Variants in MGAT5 observed in about 807,000 individuals in gnomAD.
MGAT5 encodes the protein alpha-1,6-mannosylglycoprotein 6-beta-N-acetylglucosaminyltransferase A.
In MGAT5, 30 loss-of-function variants were observed where a neutral mutation model predicts 94.3. That is an observed-to-expected ratio of 0.32 (90% confidence interval 0.24 to 0.43). MGAT5 has a LOEUF of 0.43. Ranked by LOEUF, MGAT5 falls within the 20% of genes least tolerant of loss-of-function variation. The probability of loss-of-function intolerance (pLI) is 1.00; values close to 1 mark genes in which losing one functional copy is unlikely to be tolerated. For missense variants in MGAT5, 691 were observed against 905.5 expected (o/e 0.76, Z 3.04); for synonymous variants, 310 against 322.9 (o/e 0.96, Z 0.43).
chr2:134,255,659 T>C (rs1237314593), intron 1 of MGAT5, among the ~76,000 whole-genome samples: 1 of 152,154 alleles, frequency 6.6e-6, no homozygotes, highest in East Asian at 1.9e-4. Flanking sequence ...AAGAGTCTGA[T>C]CATTGAATTG....
At chr2:134,370,138 G>A (rs1680694220) in intron 10 of MGAT5, among the ~76,000 whole-genome samples, 1 of 152,162 alleles carries the variant, frequency 6.6e-6, no homozygotes, top group Non-Finnish European at 1.5e-5. Flanking sequence ...AATTGGGAAT[G>A]GGAGTCATTT....
intron 1 of MGAT5, among the ~76,000 whole-genome samples, chr2:134,266,553 A>T (rs1683731535): frequency 6.6e-6 from 1 of 152,244 alleles, no homozygotes; most frequent in Non-Finnish European, 1.5e-5. Context: ...AAAACTGTTA[A>T]CAGTTTTTGG....
intron 1 of MGAT5, among the ~76,000 whole-genome samples, chr2:134,218,747 A>G (rs1326961228): frequency 6.6e-6 from 1 of 152,198 alleles, no homozygotes. Flanking sequence ...GGGTAAGGAT[A>G]TAGACTTGTT....
chr2:134,293,447 C>T (rs1050227759), intron 2 of MGAT5, among the ~76,000 whole-genome samples: 7 of 151,784 alleles, frequency 4.6e-5, no homozygotes, highest in African/African-American at 1.2e-4. Flanking sequence ...TCTTATTCCT[C>T]CCCCACTTCT....
intron 12 of MGAT5, among the ~76,000 whole-genome samples, chr2:134,416,713 C>G (rs1683992824): frequency 6.6e-6 from 1 of 151,642 alleles, no homozygotes; most frequent in Admixed American, 6.6e-5. Flanking sequence ...CTAAAGCGAC[C>G]CTTCCAAGTA....
intron 4 of MGAT5, among the ~76,000 whole-genome samples, chr2:134,320,240 C>G (rs561899688): frequency 1.9e-3 from 289 of 152,228 alleles, no homozygotes; most frequent in African/African-American, 6.5e-3. Context: ...CAGAAACAGC[C>G]AGAGGGAAGA....
chr2:134,262,294 C>CAGT (rs1683388461), intron 1 of MGAT5, among the ~76,000 whole-genome samples: 1 of 152,122 alleles, frequency 6.6e-6, no homozygotes, highest in Non-Finnish European at 1.5e-5. Flanking sequence ...GGCTGAAGTA[C>CAGT]AGTAGTGTGA....
At position 134,349,658 on chromosome 2, in the gene MGAT5, G is replaced by A. The variant is rs531900043; in HGVS notation, c.1113-147G>A. 218 of 853,034 alleles carry A rather than the reference G, an allele frequency of 2.6e-4. No individual in the cohort carries two copies. In the African/African-American group the frequency reaches 3.0e-3, roughly 12 times the overall value. The allele number at this position is 853,034 out of a possible 1,614,324, so 52.8% of individuals were successfully genotyped here. A position where few individuals can be genotyped will look rare whatever the true frequency, so the allele number is the denominator to read the frequency against. ...GTAGATGTTCGGTACACAAGCTATTGTAAAACATCACAATTCTTGTCTGGT... is the reference window on the plus strand; with the variant it reads ...GTAGATGTTCGGTACACAAGCTATTATAAAACATCACAATTCTTGTCTGGT... On this transcript the variant is annotated intron_variant, in intron 8 of 15. Coordinates refer to ENST00000281923, the MANE Select transcript of MGAT5 (RefSeq NM_002410.5).
intron 1 of MGAT5, among the ~76,000 whole-genome samples, chr2:134,126,197 G>A (rs1314497758): frequency 2.6e-5 from 4 of 152,164 alleles, no homozygotes; most frequent in African/African-American, 4.8e-5. Flanking sequence ...TTCCTGATTC[G>A]GAATGCTTCT....
intron 6 of MGAT5, among the ~76,000 whole-genome samples, chr2:134,340,868 C>T (rs189269178): frequency 3.4e-4 from 52 of 152,180 alleles, no homozygotes; most frequent in African/African-American, 1.2e-3. Flanking sequence ...GCAATTATTA[C>T]GTATGCTCTC....
At chr2:134,344,077 T>C (rs1300506537) in intron 7 of MGAT5, among the ~76,000 whole-genome samples, 1 of 152,136 alleles carries the variant, frequency 6.6e-6, no homozygotes, top group African/African-American at 2.4e-5. Flanking sequence ...AAGCAGGATA[T>C]CCATAATTTG....
At chr2:134,145,212 C>CTGTGTGTGTGTGTGTGTGTGTGTGTG (rs1350453588) in intron 1 of MGAT5, among the ~76,000 whole-genome samples, 7 of 113,778 alleles carry the variant, frequency 6.2e-5, no homozygotes, top group African/African-American at 2.7e-4. Context: ...GTGTCTCTCT[C>CTGTGTGTGTGTGTGTGTGTGTGTGTG]TCTGTGTGTG....
At position 134,451,767 on chromosome 2, in the gene MGAT5, TAA is replaced by T; in HGVS notation, c.*2923_*2924del. On this transcript the variant is annotated 3_prime_UTR_variant, in exon 16 of 16. Coordinates refer to ENST00000281923, the MANE Select transcript of MGAT5 (RefSeq NM_002410.5). The stretch of plus-strand genomic sequence containing the variant: ...GAGGGAAAACATTCATCTAATTTAC[TAA>T]AAGAGAAAGCTTTCCATTGAAAGGT... 6.6e-6 allele frequency: 1 copy of T among 152,352 alleles called. No individual in the cohort carries two copies. Among genetic ancestry groups the T allele is most frequent in the Middle Eastern group, 3.4e-3 (1 of 294 alleles). 9.4% of individuals were successfully genotyped at this position (152,352 alleles called of 1,614,324 possible).
At chr2:134,126,552 G>A (rs181966837) in intron 1 of MGAT5, among the ~76,000 whole-genome samples, 1 of 152,342 alleles carries the variant, frequency 6.6e-6, no homozygotes, top group East Asian at 1.9e-4. Context: ...CAGCCGAAAA[G>A]CTTAACTAAG....
chr2:134,422,158 G>GAA (rs60327900), intron 12 of MGAT5, among the ~76,000 whole-genome samples: 2 of 151,622 alleles, frequency 1.3e-5, no homozygotes, highest in African/African-American at 4.9e-5. Flanking sequence ...ACCCTTTGGG[G>GAA]AAAAAAAAGA....
chr2:134,375,832 C>G (rs901786425), intron 10 of MGAT5, among the ~76,000 whole-genome samples: 1 of 152,116 alleles, frequency 6.6e-6, no homozygotes, highest in Non-Finnish European at 1.5e-5. Flanking sequence ...CACATCTCGT[C>G]AACTGGAGAG....
chr2:134,125,173 G>A (rs1006483900), intron 1 of MGAT5, among the ~76,000 whole-genome samples: 2 of 151,996 alleles, frequency 1.3e-5, no homozygotes, highest in Non-Finnish European at 2.9e-5. Context: ...TTCTCCGATT[G>A]GCATTATTGC....
At chr2:134,179,302 C>T (rs901049258) in intron 1 of MGAT5, among the ~76,000 whole-genome samples, 2 of 152,244 alleles carry the variant, frequency 1.3e-5, no homozygotes, top group South Asian at 2.1e-4. Context: ...GGAGAAAATA[C>T]GTTTGCTAGA....
chr2:134,278,350 T>G (rs1324922416), intron 2 of MGAT5, among the ~76,000 whole-genome samples: 1 of 152,202 alleles, frequency 6.6e-6, no homozygotes, highest in Non-Finnish European at 1.5e-5. Context: ...GTTTTAGTTT[T>G]CAGTCCCAGA....
Sources: gnomAD v4.1 joint callset for allele counts (sites outside exome capture counted in the v4.1 genomes callset) on GRCh38, gnomAD v4.1.1 for gene constraint, MANE v1.5 for transcripts, NCBI Gene and HGNC (gene_info 2026-07-23, HGNC 2026-07-21) for gene names.